Variants in ADORA1 observed in about 807,000 individuals in gnomAD.
ADORA1 encodes adenosine A1 receptor.
ADORA1 carries 6 observed loss-of-function variants against 19.9 expected under a neutral mutation model. That is an observed-to-expected ratio of 0.30 (90% CI 0.17 to 0.59). The LOEUF (loss-of-function observed/expected upper bound fraction) is 0.59, where lower values mean the gene tolerates loss of function less well. Ranked by LOEUF, ADORA1 falls within the 20% of genes least tolerant of loss-of-function variation. ADORA1 has a pLI of 0.87. For synonymous variants in ADORA1, 194 were observed against 188.4 expected, an observed-to-expected ratio of 1.03 and a Z score of -0.24; for missense variants, 302 against 439.2, an observed-to-expected ratio of 0.69 and a Z score of 2.79.
At chr1:203,156,689 A>G (rs1021621612) in intron 3 of ADORA1, among the ~76,000 whole-genome samples, 5 of 152,226 alleles carry the variant, frequency 3.3e-5, no homozygotes, top group Admixed American at 1.3e-4. Flanking sequence ...TTCTGCTGCT[A>G]TAATAGAATA....
At chr1:203,150,618 T>A (rs1426021237) in intron 3 of ADORA1, 1 of 1,289,500 alleles carries the variant, frequency 7.8e-7, no homozygotes, top group East Asian at 5.5e-5. Context: ...AGAATATGAC[T>A]GTACTTCTTC....
intron 3 of ADORA1, among the ~76,000 whole-genome samples, chr1:203,164,634 G>A (rs1376807461): frequency 6.6e-6 from 1 of 152,208 alleles, no homozygotes; most frequent in Admixed American, 6.5e-5. Flanking sequence ...ATGGGGCATG[G>A]CAGGGGAGTA....
chr1:203,133,358 A>G (rs1571781805), intron 3 of ADORA1, among the ~76,000 whole-genome samples: 1 of 152,036 alleles, frequency 6.6e-6, no homozygotes, highest in Non-Finnish European at 1.5e-5. Context: ...CAGGTGAGCC[A>G]CCCGCCTTGG....
rs184560204 is a variant in ADORA1, at chr1:203,133,860, C to T, written c.341+4678C>T. ...AATCTGGTAAATTAGGGCACGTTTG[C>T]GTTTAGGCATCAATTTAGCTGTCCC... is the stretch of plus-strand genomic sequence containing the variant. On this transcript the variant is annotated intron_variant, in intron 3 of 3. Transcript: ENST00000337894. 6.6e-5 allele frequency among the ~76,000 whole-genome samples: 10 copies of T among 152,292 alleles called. No homozygotes were observed. The South Asian group carries it at 1.2e-3, about 19-fold the overall frequency.
At chr1:203,160,141 C>A (rs1054865273) in intron 3 of ADORA1, among the ~76,000 whole-genome samples, 2 of 152,196 alleles carry the variant, frequency 1.3e-5, no homozygotes, top group Non-Finnish European at 2.9e-5. Flanking sequence ...CTTAGAAATT[C>A]TTTTCCTGCT....
rs1654244230 is a variant in ADORA1, at chr1:203,128,962, C to T, written c.121C>T (p.Arg41Trp). Residue 41 changes from arginine (R) to tryptophan (W), a missense_variant, in exon 3 of 4, where the codon CGG becomes TGG. Transcript: ENST00000337894. This position sits in a 1 kb window ranked among gnomAD's most constrained non-coding sequence, Gnocchi z 5.9. ...IWAVKVNQAL[R>W]DATFCFIVSL... is the part of the protein sequence containing the mutation. Reference sequence around the variant, plus strand: ...GGCGGTGAAGGTGAACCAGGCGCTGCGGGATGCCACCTTCTGCTTCATCGT... The same window carrying T: ...GGCGGTGAAGGTGAACCAGGCGCTGTGGGATGCCACCTTCTGCTTCATCGT... 4 of 1,614,156 alleles carry T rather than the reference C, an allele frequency of 2.5e-6. No individual in the cohort carries two copies. The highest frequency in any genetic ancestry group is 1.1e-5 in the South Asian group (1 of 91,088).
intron 3 of ADORA1, among the ~76,000 whole-genome samples, chr1:203,157,125 A>G (rs1655221655): frequency 6.6e-6 from 1 of 152,258 alleles, no homozygotes; most frequent in Non-Finnish European, 1.5e-5. Context: ...TAGTTCCAGC[A>G]TCAACTCAAA....
chr1:203,128,262 T>G lies in ADORA1; in HGVS notation c.-212-16T>G. Reference sequence around the variant, plus strand: ...CCGGGGCTGAGTCTCTGCCGTACCATGTGATTGCTTGAAAGGCCGGGCTGG... The same window carrying G: ...CCGGGGCTGAGTCTCTGCCGTACCAGGTGATTGCTTGAAAGGCCGGGCTGG... On this transcript the variant is annotated splice_polypyrimidine_tract_variant and intron_variant, in intron 1 of 3. Coordinates refer to ENST00000337894, the MANE Select transcript of ADORA1 (RefSeq NM_000674.3). The surrounding 1 kb of genome is among the most constrained non-coding windows in gnomAD (Gnocchi z 5.9). 5.0e-6 allele frequency: 6 copies of G among 1,201,776 alleles called. No homozygotes were observed. The highest frequency in any genetic ancestry group is 5.5e-6 in the Non-Finnish European group (5 of 916,462). 74.4% of individuals were successfully genotyped at this position (1,201,776 alleles called of 1,614,324 possible).
intron 3 of ADORA1, among the ~76,000 whole-genome samples, chr1:203,157,980 C>G (rs1181945194): frequency 5.3e-5 from 8 of 152,222 alleles, no homozygotes; most frequent in African/African-American, 1.9e-4. Flanking sequence ...CTCCCATCAT[C>G]CTGATGAATA....
At position 203,166,821 on chromosome 1, in the gene ADORA1, AGAG is replaced by A. The variant is rs1381464300; in HGVS notation, c.*925_*927del. 1 of 153,044 alleles carries A rather than the reference AGAG, an allele frequency of 6.5e-6. No individual in the cohort carries two copies. The highest frequency in any genetic ancestry group is 1.5e-5 in the Non-Finnish European group (1 of 68,756). 9.5% of individuals were successfully genotyped at this position (153,044 alleles called of 1,614,324 possible). On this transcript the variant is annotated 3_prime_UTR_variant, in exon 4 of 4. Transcript: ENST00000337894. Reference sequence around the variant, plus strand: ...TCTCTGCTGCTTCTGGGCCTGATGGAGAGGAGAACACTAGACATGCCAACTCGG... The same window carrying A: ...TCTCTGCTGCTTCTGGGCCTGATGGAGAGAACACTAGACATGCCAACTCGG...
At chr1:203,146,387 C>T (rs1000774986) in intron 3 of ADORA1, among the ~76,000 whole-genome samples, 2 of 151,972 alleles carry the variant, frequency 1.3e-5, no homozygotes, top group Admixed American at 6.5e-5. Context: ...CCAATACTTT[C>T]GGAGGCCAAG....
At position 203,127,785 on chromosome 1, in the gene ADORA1, C is replaced by G. The variant is rs201016261; in HGVS notation, c.-356C>G. 4.6e-5 allele frequency: 7 copies of G among 152,344 alleles called. No homozygotes were observed. Among genetic ancestry groups the G allele is most frequent in the African/African-American group, 1.7e-4 (7 of 41,476 alleles). 9.4% of individuals were successfully genotyped at this position (152,344 alleles called of 1,614,324 possible). A position where few individuals can be genotyped will look rare whatever the true frequency, so the allele number is the denominator to read the frequency against. On this transcript the variant is annotated 5_prime_UTR_variant, in exon 1 of 4. Coordinates refer to ENST00000337894, the MANE Select transcript of ADORA1 (RefSeq NM_000674.3). The stretch of plus-strand genomic sequence containing the variant: ...GGCGCCCGAGTCGAGTCCCAGCCAG[C>G]TACCATCCCTCTGGAGCTTACCGGC...
chr1:203,160,487 C>T (rs562895536), intron 3 of ADORA1, among the ~76,000 whole-genome samples: 5 of 152,208 alleles, frequency 3.3e-5, no homozygotes, highest in Admixed American at 6.5e-5. Context: ...GATAGGGTTG[C>T]GCTGAAGTAT....
intron 3 of ADORA1, among the ~76,000 whole-genome samples, chr1:203,154,920 C>T (rs935532432): frequency 1.3e-5 from 2 of 152,106 alleles, no homozygotes; most frequent in African/African-American, 4.8e-5. Context: ...GACGTCTATG[C>T]CCACCCCCTC....
At chr1:203,144,136 C>T (rs1654789323) in intron 3 of ADORA1, among the ~76,000 whole-genome samples, 1 of 147,798 alleles carries the variant, frequency 6.8e-6, no homozygotes, top group Non-Finnish European at 1.5e-5. Flanking sequence ...GTTCCTTTCT[C>T]TTGTCTAATT....
At chr1:203,157,070 T>C (rs1393174911) in intron 3 of ADORA1, among the ~76,000 whole-genome samples, 1 of 152,258 alleles carries the variant, frequency 6.6e-6, no homozygotes, top group Admixed American at 6.5e-5. Flanking sequence ...CCTTCTCGCA[T>C]GCAAAATACA....
rs1655553037 is a variant in ADORA1, at chr1:203,166,323, C to T, written c.*423C>T. ...CTTGTCTTAGATGTTGGTGGTGCAGCCCCAGGACCAAGCTTAAGGAGAGGA... is the reference window on the plus strand; with the variant it reads ...CTTGTCTTAGATGTTGGTGGTGCAGTCCCAGGACCAAGCTTAAGGAGAGGA... On this transcript the variant is annotated 3_prime_UTR_variant, in exon 4 of 4. Transcript: ENST00000337894. 1 of 164,702 alleles carries T rather than the reference C, an allele frequency of 6.1e-6. No homozygotes were observed. Among genetic ancestry groups the T allele is most frequent in the Non-Finnish European group, 1.3e-5 (1 of 76,976 alleles). The allele number at this position is 164,702 out of a possible 1,614,324, so 10.2% of individuals were successfully genotyped here.
chr1:203,165,541 C>T lies in ADORA1; in HGVS notation c.622C>T (p.Arg208Cys), dbSNP rs148415221. Residue 208 changes from arginine (R) to cysteine (C), a missense_variant, in exon 4 of 4, where the codon CGC (arginine) becomes TGC (cysteine). Arg to Cys is a radical substitution (Grantham distance 180). Transcript: ENST00000337894. This position sits in a 1 kb window ranked among gnomAD's most constrained non-coding sequence, Gnocchi z 5.9. ...CTACCTGGAGGTCTTCTACCTAATC[C>T]GCAAGCAGCTCAACAAGAAGGTGTC... is the stretch of plus-strand genomic sequence containing the variant. ...LIYLEVFYLI[R>C]KQLNKKVSAS... 114 of 1,613,906 alleles carry T rather than the reference C, an allele frequency of 7.1e-5. No individual in the cohort carries two copies. The highest frequency in any genetic ancestry group is 1.6e-4 in the Middle Eastern group (1 of 6,062).
chr1:203,139,099 G>A (rs766703713), intron 3 of ADORA1, among the ~76,000 whole-genome samples: 3 of 152,228 alleles, frequency 2.0e-5, no homozygotes, highest in Admixed American at 6.5e-5. Context: ...GATTACAGGC[G>A]TGAGCCACCG....
Sources: gnomAD v4.1 joint callset for allele counts (sites outside exome capture counted in the v4.1 genomes callset) on GRCh38, gnomAD v4.1.1 for gene constraint, Gnocchi (gnomAD v3.1) non-coding constraint, MANE v1.5 for transcripts, NCBI Gene and HGNC (gene_info 2026-07-23, HGNC 2026-07-21) for gene names.